The following SLC5A4 variants were observed in gnomAD, a reference collection of about 807,000 sequenced individuals.
SLC5A4 encodes probable glucose sensor protein SLC5A4.
Under a neutral mutation model 70.3 loss-of-function variants are expected in SLC5A4, and 55 were observed. That is an observed-to-expected ratio of 0.78 (90% CI 0.63 to 0.98). The LOEUF (loss-of-function observed/expected upper bound fraction) is 0.98, where lower values mean the gene tolerates loss of function less well. Among genes scored for constraint, SLC5A4 ranks in the 50% least tolerant of loss-of-function variants. The pLI, the probability that SLC5A4 is intolerant of heterozygous loss-of-function variation, is 0.00. For synonymous variants in SLC5A4, 268 were observed against 305.7 expected (o/e 0.88, Z 1.29); for missense variants, 735 against 839.2 (o/e 0.88, Z 1.53).
the SLC5A4 span, among the ~76,000 whole-genome samples, chr22:32,306,156 G>T: frequency 6.6e-6 from 1 of 152,124 alleles, no homozygotes; most frequent in South Asian, 2.1e-4. Flanking sequence ...AAAACCTAGG[G>T]ACATTGTTAT....
chr22:32,329,590 TGGG>T, the SLC5A4 span, among the ~76,000 whole-genome samples: 3 of 86,116 alleles, frequency 3.5e-5, no homozygotes, highest in Non-Finnish European at 6.8e-5. Flanking sequence ...GTGTGTGTCT[TGGG>T]GGCTCTGGTG....
chr22:32,352,711 C>T, the SLC5A4 span, among the ~76,000 whole-genome samples: 1 of 152,230 alleles, frequency 6.6e-6, no homozygotes, highest in African/African-American at 2.4e-5. Context: ...GCTGCTGCCA[C>T]AACTAGCACC....
the SLC5A4 span, among the ~76,000 whole-genome samples, chr22:32,336,728 T>C: frequency 2.0e-5 from 3 of 152,216 alleles, no homozygotes; most frequent in African/African-American, 7.2e-5. Flanking sequence ...TCCAAAACCT[T>C]CCCTAAGGAA....
the SLC5A4 span, chr22:32,277,132 C>T: frequency 6.6e-6 from 1 of 152,196 alleles, no homozygotes; most frequent in East Asian, 1.9e-4. Context: ...CAAATCAGAT[C>T]TATTTTTATA....
chr22:32,350,609 A>C, the SLC5A4 span, among the ~76,000 whole-genome samples: 49 of 152,292 alleles, frequency 3.2e-4, no homozygotes, highest in African/African-American at 1.0e-3. Context: ...ACGGTATTCA[A>C]ATTTTTTCTA....
chr22:32,353,976 G>A, the SLC5A4 span, among the ~76,000 whole-genome samples: 1 of 151,240 alleles, frequency 6.6e-6, no homozygotes, highest in East Asian at 2.0e-4. Flanking sequence ...CCCTGCCTCC[G>A]GCAGTACAGC....
chr22:32,300,357 C>T, the SLC5A4 span, among the ~76,000 whole-genome samples: 3 of 151,750 alleles, frequency 2.0e-5, no homozygotes, highest in African/African-American at 4.8e-5. Context: ...GATATAATCT[C>T]GTGGTGCACC....
At chr22:32,316,934 C>CTCTCTGTGTGTGTG in the SLC5A4 span, among the ~76,000 whole-genome samples, 1 of 148,622 alleles carries the variant, frequency 6.7e-6, no homozygotes, top group African/African-American at 2.5e-5. Context: ...ATTAACAACT[C>CTCTCTGTGTGTGTG]TGTGTGTGTG....
At chr22:32,347,284 G>A in the SLC5A4 span, among the ~76,000 whole-genome samples, 2 of 152,108 alleles carry the variant, frequency 1.3e-5, no homozygotes, top group Non-Finnish European at 1.5e-5. Context: ...AACCATTGTG[G>A]AAGTCAGTGT....
intron 6 of SLC5A4, among the ~76,000 whole-genome samples, chr22:32,238,591 T>C: frequency 6.6e-6 from 1 of 152,204 alleles, no homozygotes; most frequent in East Asian, 1.9e-4. Context: ...TTCATGGCCA[T>C]GGCCATGCCC....
rs1303622588 is a variant in SLC5A4 at position 32,255,287 on chromosome 22, C to T, written c.43G>A (p.Glu15Lys). The T allele has an allele frequency of 3.1e-6, 5 of 1,614,178 alleles. No homozygotes were observed. The highest frequency in any genetic ancestry group is 4.2e-6 in the Non-Finnish European group (5 of 1,180,024). ...ATGTGGTCAGACAATGGAGGTGGCT[C>T]TGGGGTCTCAGCTATGGTGCTGGGG... is the stretch of plus-strand genomic sequence containing the variant. ...VSPSTIAETP[E>K]PPPLSDHIRN... Residue 15 changes from glutamate to lysine, a missense_variant, in exon 1 of 15, where the codon GAG becomes AAG. Glu to Lys is a moderately conservative substitution (Grantham distance 56). Transcript: ENST00000266086.
chr22:32,300,651 G>C, the SLC5A4 span, among the ~76,000 whole-genome samples: 24 of 152,194 alleles, frequency 1.6e-4, no homozygotes, highest in Non-Finnish European at 3.1e-4. Context: ...CTGTAGACCG[G>C]AGCTGTTCCT....
chr22:32,321,819 T>C, the SLC5A4 span, among the ~76,000 whole-genome samples: 1 of 152,362 alleles, frequency 6.6e-6, no homozygotes, highest in South Asian at 2.1e-4. Flanking sequence ...TATGGCTGCA[T>C]AGTATTCCAT....
chr22:32,330,848 CTCTGGTGTGTAGGTGTTGGAGGG>C, the SLC5A4 span, among the ~76,000 whole-genome samples: 4 of 105,172 alleles, frequency 3.8e-5, no homozygotes, highest in East Asian at 1.3e-3. Context: ...GTGTTGGGGG[CTCTGGTGTGTAGGTGTTGGAGGG>C]TCTGCTGTGT....
At chr22:32,262,709 A>G in the SLC5A4 span, among the ~76,000 whole-genome samples, 1 of 152,098 alleles carries the variant, frequency 6.6e-6, no homozygotes, top group Non-Finnish European at 1.5e-5. Flanking sequence ...GCAAAAAAGA[A>G]AAGAAAGTTC....
chr22:32,348,584 T>G, the SLC5A4 span, among the ~76,000 whole-genome samples: 1 of 152,208 alleles, frequency 6.6e-6, no homozygotes, highest in Non-Finnish European at 1.5e-5. Flanking sequence ...CCAAATTTTA[T>G]TTTTACGTTA....
chr22:32,294,202 A>G, the SLC5A4 span, among the ~76,000 whole-genome samples: 8 of 152,168 alleles, frequency 5.3e-5, no homozygotes, highest in South Asian at 1.0e-3. Context: ...TATTTGTTAC[A>G]TATCTCCTAT....
the SLC5A4 span, among the ~76,000 whole-genome samples, chr22:32,278,975 A>T: frequency 2.0e-5 from 3 of 152,234 alleles, no homozygotes; most frequent in African/African-American, 7.2e-5. Flanking sequence ...TCAACATATC[A>T]TTTAAAACTT....
the SLC5A4 span, among the ~76,000 whole-genome samples, chr22:32,320,778 T>G: frequency 6.6e-5 from 10 of 152,252 alleles, no homozygotes; most frequent in African/African-American, 2.4e-4. Flanking sequence ...CGTAAGACAG[T>G]GAGATGTCAC....
Sources: allele counts gnomAD v4.1 joint callset (sites outside exome capture counted in the v4.1 genomes callset), GRCh38; gene constraint gnomAD v4.1.1; transcripts MANE v1.5; gene names NCBI Gene and HGNC (gene_info 2026-07-23, HGNC 2026-07-21).